The following CNTN3 variants were observed in gnomAD, a reference collection of about 807,000 sequenced individuals.
CNTN3 encodes the protein contactin-3.
CNTN3 carries 60 observed loss-of-function variants against 119.1 expected under a neutral mutation model. The ratio of observed to expected loss-of-function variants is 0.50; its 90% CI spans 0.41 to 0.62. The LOEUF is 0.62. CNTN3 is among the 20% of genes least tolerant of loss of function. CNTN3 has a pLI of 0.00. For missense variants in CNTN3, 1,101 were observed against 1,242.4 expected (o/e 0.89, Z 1.71); for synonymous variants, 450 against 438.7 (o/e 1.03, Z -0.32).
chr3:74,521,069 C>T lies in CNTN3; in HGVS notation c.44G>A (p.Gly15Asp). Residue 15 changes from glycine (G) to aspartate (D), a missense_variant, in exon 2 of 23, where the codon GGC (glycine) becomes GAC (aspartate). By Grantham distance (94) the Gly-to-Asp change is moderately conservative (BLOSUM62 -1). Transcript: ENST00000263665. ...WKQLILLSFI[G>D]CLGGELLLQG... ...GGATTTTTTTTTACCTCCTAAGCAG[C>T]CAATGAATGAAAGCAGGATCAACTG... 6.3e-7 allele frequency: 1 copy of T among 1,597,252 alleles called. No individual in the cohort carries two copies. Among genetic ancestry groups the T allele is most frequent in the Non-Finnish European group, 8.5e-7 (1 of 1,170,242 alleles).
chr3:74,480,438 G>A (rs368530662), intron 4 of CNTN3, among the ~76,000 whole-genome samples: 1 of 152,114 alleles, frequency 6.6e-6, no homozygotes, highest in African/African-American at 2.4e-5. Flanking sequence ...TAAGGTGGTG[G>A]TAGGAGAGTG....
intron 5 of CNTN3, among the ~76,000 whole-genome samples, chr3:74,415,886 T>C (rs1013471109): frequency 6.6e-6 from 1 of 152,138 alleles, no homozygotes; most frequent in Admixed American, 6.5e-5. Flanking sequence ...ACAGGTCAAA[T>C]ATCAAACTCC....
At chr3:74,586,079 C>G (rs1187144202) in intron 1 of CNTN3, among the ~76,000 whole-genome samples, 4 of 152,086 alleles carry the variant, frequency 2.6e-5, no homozygotes, top group African/African-American at 7.2e-5. Context: ...TGACAAGCTG[C>G]TAGGTGTCTT....
chr3:74,304,005 G>A (rs573964154), intron 13 of CNTN3, among the ~76,000 whole-genome samples: 1 of 152,194 alleles, frequency 6.6e-6, no homozygotes, highest in East Asian at 1.9e-4. Flanking sequence ...TAAAAGAAAA[G>A]TTTTAGTCTT....
intron 5 of CNTN3, among the ~76,000 whole-genome samples, chr3:74,422,506 G>T (rs1161917582): frequency 6.6e-6 from 1 of 152,154 alleles, no homozygotes; most frequent in African/African-American, 2.4e-5. Flanking sequence ...TGGGCTAACA[G>T]TTCTCCAATT....
chr3:74,501,368 C>T (rs139604335), intron 2 of CNTN3, among the ~76,000 whole-genome samples: 302 of 152,106 alleles, frequency 2.0e-3, no homozygotes, highest in African/African-American at 7.0e-3. Flanking sequence ...GGCTATCATA[C>T]TCCTTGAGTA....
chr3:74,604,657 G>T (rs530668650), intron 1 of CNTN3, among the ~76,000 whole-genome samples: 1 of 152,126 alleles, frequency 6.6e-6, no homozygotes, highest in South Asian at 2.1e-4. Flanking sequence ...AAGACAAAAG[G>T]TAAATGTTGG....
chr3:74,559,534 C>T (rs2107172069), intron 1 of CNTN3, among the ~76,000 whole-genome samples: 1 of 151,662 alleles, frequency 6.6e-6, no homozygotes, highest in African/African-American at 2.4e-5. Context: ...GGCTGGCAGT[C>T]AGTCCTCACA....
Position 74,521,165 on chromosome 3 carries a change from T to A in CNTN3, c.-53A>T. On this transcript the variant is annotated 5_prime_UTR_variant, in exon 2 of 23. Transcript: ENST00000263665. ...CTTGTCCAGTCTCTGATGAATAGAATGCTTTCTCTTCAGGTAAATCCTTTA... is the reference window on the plus strand; with the variant it reads ...CTTGTCCAGTCTCTGATGAATAGAAAGCTTTCTCTTCAGGTAAATCCTTTA... 1.3e-5 allele frequency: 14 copies of A among 1,041,438 alleles called. No individual in the cohort carries two copies. The highest frequency in any genetic ancestry group is 1.9e-5 in the Non-Finnish European group (13 of 699,182). 64.5% of individuals were successfully genotyped at this position (1,041,438 alleles called of 1,614,324 possible).
At chr3:74,507,626 CTTTTTTTT>C (rs59540461) in intron 2 of CNTN3, among the ~76,000 whole-genome samples, 40 of 103,646 alleles carry the variant, frequency 3.9e-4, no homozygotes, top group East Asian at 1.4e-3. Context: ...TTCTTTCTTT[CTTTTTTTT>C]TTTTTTTTTT....
At chr3:74,592,394 A>T (rs1289448754) in intron 1 of CNTN3, among the ~76,000 whole-genome samples, 2 of 151,966 alleles carry the variant, frequency 1.3e-5, no homozygotes, top group East Asian at 3.9e-4. Flanking sequence ...TGTAGACAGC[A>T]GCTTCAAATC....
chr3:74,283,436 A>G (rs1026205542), intron 20 of CNTN3, among the ~76,000 whole-genome samples: 2 of 152,182 alleles, frequency 1.3e-5, no homozygotes, highest in Non-Finnish European at 2.9e-5. Context: ...GGGCGTTTAT[A>G]TGCTATCCCT....
At chr3:74,425,763 T>C (rs1026396243) in intron 4 of CNTN3, among the ~76,000 whole-genome samples, 14 of 152,164 alleles carry the variant, frequency 9.2e-5, no homozygotes, top group Admixed American at 7.9e-4. Flanking sequence ...CTACCTATAA[T>C]TATTTTTATT....
intron 11 of CNTN3, among the ~76,000 whole-genome samples, chr3:74,353,865 T>G (rs1427264780): frequency 6.6e-6 from 1 of 152,096 alleles, no homozygotes; most frequent in Non-Finnish European, 1.5e-5. Flanking sequence ...AACAGATGAA[T>G]GCAGTCATGT....
In CNTN3 at chr3:74,485,207, C is replaced by A. The variant is rs10428141; in HGVS notation, c.358+1249G>T. On this transcript the variant is annotated intron_variant, in intron 4 of 22. Coordinates refer to ENST00000263665, the MANE Select transcript of CNTN3 (RefSeq NM_020872.3). ...AACCATGGAAATTGCACTAAACCTG[C>A]AAAATATAGCTCAAGAGGAAAAAGG... Among the ~76,000 whole-genome samples the A allele has an allele frequency of 6.6e-3, 994 of 151,698 alleles. 9 individuals carry two copies. The highest frequency in any genetic ancestry group is 0.021 in the African/African-American group (883 of 41,390).
At chr3:74,343,269 G>C (rs1703593019) in intron 11 of CNTN3, among the ~76,000 whole-genome samples, 1 of 152,186 alleles carries the variant, frequency 6.6e-6, no homozygotes, top group African/African-American at 2.4e-5. Flanking sequence ...CCCCATTATT[G>C]CGTGGTAAAG....
chr3:74,535,881 T>C (rs1393620661), intron 1 of CNTN3, among the ~76,000 whole-genome samples: 2 of 152,114 alleles, frequency 1.3e-5, no homozygotes, highest in Non-Finnish European at 2.9e-5. Context: ...CTGCAGCCCG[T>C]CTTGAAACCT....
At chr3:74,595,865 A>T (rs560459632) in intron 1 of CNTN3, among the ~76,000 whole-genome samples, 234 of 152,258 alleles carry the variant, frequency 1.5e-3, no homozygotes, top group Middle Eastern at 6.8e-3. Flanking sequence ...GAAGGAAATA[A>T]AGGGTATTCA....
At chr3:74,385,722 G>C (rs1030993358) in intron 5 of CNTN3, among the ~76,000 whole-genome samples, 1 of 152,162 alleles carries the variant, frequency 6.6e-6, no homozygotes, top group Non-Finnish European at 1.5e-5. Flanking sequence ...ACAAGGATTA[G>C]GTAATCCATA....
Sources: allele counts gnomAD v4.1 joint callset (sites outside exome capture counted in the v4.1 genomes callset), GRCh38; gene constraint gnomAD v4.1.1; transcripts MANE v1.5; gene names NCBI Gene and HGNC (gene_info 2026-07-23, HGNC 2026-07-21).